The following GRIP1 variants were observed in gnomAD, a reference collection of about 807,000 sequenced individuals.
GRIP1 encodes the protein glutamate receptor interacting protein 1, also known as glutamate receptor-interacting protein 1.
In GRIP1, 45 loss-of-function variants were observed where a neutral mutation model predicts 129.9. The observed-to-expected ratio is 0.35, with a 90% confidence interval of 0.27 to 0.44. GRIP1 has a LOEUF of 0.44. Ranked by LOEUF, GRIP1 falls within the 20% of genes least tolerant of loss-of-function variation. The probability of loss-of-function intolerance (pLI) is 1.00; values close to 1 mark genes in which losing one functional copy is unlikely to be tolerated. For missense variants in GRIP1, 1,196 were observed against 1,396.8 expected, an observed-to-expected ratio of 0.86 and a Z score of 2.29; for synonymous variants, 530 against 520.8, an observed-to-expected ratio of 1.02 and a Z score of -0.24.
chr12:67,057,241 C>T (rs1451244613), intron 1 of GRIP1, among the ~76,000 whole-genome samples: 1 of 152,002 alleles, frequency 6.6e-6, no homozygotes, highest in Non-Finnish European at 1.5e-5. Flanking sequence ...AGGGTGTGCC[C>T]TGATCTGACA....
At chr12:66,387,514 T>C (rs962320858) in intron 19 of GRIP1, among the ~76,000 whole-genome samples, 3 of 152,130 alleles carry the variant, frequency 2.0e-5, no homozygotes, top group Non-Finnish European at 2.9e-5. Context: ...GGAATTGGCA[T>C]AACATGTATA....
intron 19 of GRIP1, among the ~76,000 whole-genome samples, chr12:66,380,020 C>G (rs1182611533): frequency 1.3e-5 from 2 of 152,140 alleles, no homozygotes; most frequent in Non-Finnish European, 1.5e-5. Context: ...ATTCTCCTGC[C>G]TCAACCTCCC....
rs142379622 is a variant in GRIP1 at position 66,577,123 on chromosome 12, G to A, written c.136+19724C>T. Among the ~76,000 whole-genome samples, 363 of 152,260 alleles carry A rather than the reference G, an allele frequency of 2.4e-3. 1 individual carries two copies. Among genetic ancestry groups the A allele is most frequent in the African/African-American group, 7.9e-3 (330 of 41,546 alleles). ...AAAACATGTTCTATAAGGCAGAACC[G>A]GAGGAAGGAACATATTTTATCTGGT... On this transcript the variant is annotated intron_variant, in intron 2 of 24. Coordinates refer to ENST00000359742, the MANE Select transcript of GRIP1 (RefSeq NM_001366722.1).
At chr12:67,004,335 G>A (rs1405693549) in intron 1 of GRIP1, among the ~76,000 whole-genome samples, 2 of 152,078 alleles carry the variant, frequency 1.3e-5, no homozygotes, top group Admixed American at 6.6e-5. Context: ...CATTTTTACC[G>A]GACAGGCCCC....
At chr12:66,862,025 T>TA (rs963215023) in intron 1 of GRIP1, among the ~76,000 whole-genome samples, 4 of 151,906 alleles carry the variant, frequency 2.6e-5, no homozygotes, top group Non-Finnish European at 5.9e-5. Flanking sequence ...AGTCTTCAAT[T>TA]AAAAAAAATT....
chr12:66,365,771 C>CATCT (rs1344551151), intron 23 of GRIP1, among the ~76,000 whole-genome samples: 1 of 152,166 alleles, frequency 6.6e-6, no homozygotes, highest in Non-Finnish European at 1.5e-5. Context: ...TTATGGCAGC[C>CATCT]ATCTGGATCT....
chr12:66,449,647 G>C (rs559808144), intron 11 of GRIP1, among the ~76,000 whole-genome samples: 31 of 152,298 alleles, frequency 2.0e-4, no homozygotes, highest in African/African-American at 7.0e-4. Context: ...CGCTGATGTA[G>C]AGTGTACCGT....
In GRIP1 at chr12:66,612,323, G is replaced by A. The variant is rs528976149; in HGVS notation, c.56-15396C>T. 2.7e-4 allele frequency among the ~76,000 whole-genome samples: 41 copies of A among 152,242 alleles called. No individual in the cohort carries two copies. The Middle Eastern group carries it at 0.01, about 38-fold the overall frequency. On this transcript the variant is annotated intron_variant, in intron 1 of 24. Coordinates refer to ENST00000359742, the MANE Select transcript of GRIP1 (RefSeq NM_001366722.1). ...CTATAAACCTATACAGCATGTGACT[G>A]TGCAGAATACTGTAGGCAACTGTAA...
intron 1 of GRIP1, among the ~76,000 whole-genome samples, chr12:67,064,533 A>G (rs1266315938): frequency 1.3e-5 from 2 of 152,172 alleles, no homozygotes; most frequent in East Asian, 1.9e-4. Context: ...AACATCTAAC[A>G]TGGTGCCTGA....
intron 1 of GRIP1, among the ~76,000 whole-genome samples, chr12:67,064,105 T>G (rs1274880170): frequency 6.6e-6 from 1 of 152,214 alleles, no homozygotes; most frequent in Non-Finnish European, 1.5e-5. Context: ...GTCAAATAAT[T>G]CAACTTAAAA....
At chr12:66,673,955 C>T (rs1377074453) in intron 1 of GRIP1, among the ~76,000 whole-genome samples, 1 of 152,090 alleles carries the variant, frequency 6.6e-6, no homozygotes, top group Non-Finnish European at 1.5e-5. Flanking sequence ...ACGTTAAATG[C>T]ACTAGCTTTG....
chr12:66,955,282 T>G (rs1278714649), intron 1 of GRIP1, among the ~76,000 whole-genome samples: 4 of 152,056 alleles, frequency 2.6e-5, no homozygotes, highest in African/African-American at 9.7e-5. Context: ...GCCTGAGAAT[T>G]TGCATCTCTA....
chr12:66,456,442 A>G, intron 9 of GRIP1, 100 bp from the exon 10 acceptor site: 1 of 578,996 alleles, frequency 1.7e-6, no homozygotes. Context: ...TTAAAAGTAT[A>G]ACAAAAAAGA....
rs535228941 is a variant in GRIP1 at position 66,456,158 on chromosome 12, G to C, written c.1198+29C>G. On this transcript the variant is annotated intron_variant, in intron 10 of 24. Coordinates refer to ENST00000359742, the MANE Select transcript of GRIP1 (RefSeq NM_001366722.1). ...TGAGAAAAATATAATTGAAATAAAA[G>C]ACCAGGAGGAGAAAGCATGGAACAT... The C allele has an allele frequency of 6.4e-6, 8 of 1,253,866 alleles. No homozygotes were observed. In the African/African-American group the frequency reaches 1.1e-4, roughly 17 times the overall value. 77.7% of individuals were successfully genotyped at this position (1,253,866 alleles called of 1,614,324 possible).
chr12:66,638,120 C>T (rs960483673), intron 1 of GRIP1, among the ~76,000 whole-genome samples: 4 of 152,152 alleles, frequency 2.6e-5, no homozygotes, highest in African/African-American at 9.7e-5. Flanking sequence ...AGAATGAGAA[C>T]ATAGTTGTTC....
chr12:66,595,845 A>T (rs2064029109), intron 2 of GRIP1, among the ~76,000 whole-genome samples: 1 of 152,176 alleles, frequency 6.6e-6, no homozygotes, highest in Admixed American at 6.5e-5. Flanking sequence ...ACCACCTGAA[A>T]TTTTTATAAA....
chr12:66,723,364 G>C (rs2136459444), intron 1 of GRIP1, among the ~76,000 whole-genome samples: 2 of 140,946 alleles, frequency 1.4e-5, no homozygotes, highest in South Asian at 4.7e-4. Flanking sequence ...CCAGGCTGGA[G>C]TGCAGTGGTG....
At chr12:66,692,897 C>T (rs140608428) in intron 1 of GRIP1, among the ~76,000 whole-genome samples, 33 of 152,262 alleles carry the variant, frequency 2.2e-4, no homozygotes, top group Middle Eastern at 6.8e-3. Context: ...AGAATTATTT[C>T]GTAAGTCATG....
chr12:66,455,161 A>C (rs1346995073), intron 11 of GRIP1, among the ~76,000 whole-genome samples: 1 of 152,192 alleles, frequency 6.6e-6, no homozygotes, highest in African/African-American at 2.4e-5. Flanking sequence ...CTCAAATCTC[A>C]AATAAAAAGT....
Sources: allele counts gnomAD v4.1 joint callset (sites outside exome capture counted in the v4.1 genomes callset), GRCh38; gene constraint gnomAD v4.1.1; transcripts MANE v1.5; gene names NCBI Gene and HGNC (gene_info 2026-07-23, HGNC 2026-07-21).